CEP128: variants seen among roughly 807,000 people sequenced by gnomAD.
The protein encoded by CEP128 is centrosomal protein 128, also known as centrosomal protein 128kDa.
CEP128 carries 132 observed loss-of-function variants against 156.7 expected under a neutral mutation model. That is an observed-to-expected ratio of 0.84 (90% CI 0.73 to 0.97). The LOEUF (loss-of-function observed/expected upper bound fraction) is 0.97, where lower values mean the gene tolerates loss of function less well. Among genes scored for constraint, CEP128 ranks in the 50% least tolerant of loss-of-function variants. CEP128 has a pLI of 0.00. For missense variants in CEP128, 1,252 were observed against 1,281.9 expected, an observed-to-expected ratio of 0.98 and a Z score of 0.36; for synonymous variants, 469 against 448.9, an observed-to-expected ratio of 1.04 and a Z score of -0.57.
At chr14:80,799,466 C>T (rs994867148) in intron 13 of CEP128, among the ~76,000 whole-genome samples, 1 of 152,082 alleles carries the variant, frequency 6.6e-6, no homozygotes, top group Admixed American at 6.6e-5. Flanking sequence ...AGAGTAACAG[C>T]GATTTTTAGG....
At chr14:80,657,077 G>A (rs1317614803) in intron 19 of CEP128, among the ~76,000 whole-genome samples, 1 of 152,066 alleles carries the variant, frequency 6.6e-6, no homozygotes. Flanking sequence ...GGCCAAGATG[G>A]TGAAACCCCG....
chr14:80,805,045 G>GCCACCTCCCTCTA (rs2139909938), intron 13 of CEP128, among the ~76,000 whole-genome samples: 1 of 151,960 alleles, frequency 6.6e-6, no homozygotes, highest in African/African-American at 2.4e-5. Flanking sequence ...AGCCCCCATT[G>GCCACCTCCCTCTA]CCACCTCCCT....
intron 19 of CEP128, among the ~76,000 whole-genome samples, chr14:80,656,456 G>C (rs1339310259): frequency 6.7e-6 from 1 of 150,184 alleles, no homozygotes; most frequent in Non-Finnish European, 1.5e-5. Flanking sequence ...GCAAGGGCAT[G>C]CCACCAGCAT....
chr14:80,678,644 C>T (rs151077521), intron 19 of CEP128, among the ~76,000 whole-genome samples: 2 of 152,314 alleles, frequency 1.3e-5, no homozygotes, highest in African/African-American at 4.8e-5. Context: ...AGTGCCAATA[C>T]ATGAAGAGCT....
In CEP128 at chr14:80,902,320, A is replaced by G. The variant is rs947426534; in HGVS notation, c.481-2291T>C. 2.0e-5 allele frequency among the ~76,000 whole-genome samples: 3 copies of G among 152,232 alleles called. No individual in the cohort carries two copies. In the East Asian group the frequency reaches 5.8e-4, roughly 29 times the overall value. On this transcript the variant is annotated intron_variant, in intron 6 of 24. Transcript: ENST00000555265. Reference sequence around the variant, plus strand: ...ATAAACAGAAGGAAAGAGTAAATGAATAATGTTAAGATATTGTTCTCTGTT... The same window carrying G: ...ATAAACAGAAGGAAAGAGTAAATGAGTAATGTTAAGATATTGTTCTCTGTT...
chr14:80,477,805 T>G (rs1305858722), exon 15 of CEP128: 1 of 152,250 alleles, frequency 6.6e-6, no homozygotes, highest in Non-Finnish European at 1.5e-5. Context: ...AACCTCACTG[T>G]CGTCCTGAGA....
intron 13 of CEP128, among the ~76,000 whole-genome samples, chr14:80,827,448 T>C (rs889730444): frequency 2.6e-5 from 4 of 152,088 alleles, no homozygotes; most frequent in Admixed American, 2.6e-4. Context: ...TGCATACTAG[T>C]AAGTGGCCCA....
At chr14:80,638,151 A>T (rs1012114938) in intron 19 of CEP128, among the ~76,000 whole-genome samples, 9 of 152,308 alleles carry the variant, frequency 5.9e-5, no homozygotes, top group African/African-American at 2.2e-4. Context: ...CCTTTCTGGA[A>T]TGCCCTTCTT....
At chr14:80,816,214 C>T (rs1426390514) in intron 13 of CEP128, among the ~76,000 whole-genome samples, 3 of 152,188 alleles carry the variant, frequency 2.0e-5, no homozygotes, top group Non-Finnish European at 4.4e-5. Context: ...CCCCTCCCAA[C>T]TCAGTTGTCT....
chr14:80,937,553 GA>G (rs1272093435), intron 2 of CEP128, among the ~76,000 whole-genome samples: 5 of 151,900 alleles, frequency 3.3e-5, no homozygotes, highest in Non-Finnish European at 7.4e-5. Flanking sequence ...AAAAGAATAA[GA>G]AAAAAATATA....
rs183698620 is a variant in CEP128, at chr14:80,511,424, T to A, written c.3073-6404A>T. 2.6e-5 allele frequency among the ~76,000 whole-genome samples: 4 copies of A among 152,168 alleles called. No individual in the cohort carries two copies. The East Asian group carries it at 7.7e-4, about 29-fold the overall frequency. On this transcript the variant is annotated intron_variant, in intron 23 of 24. Coordinates refer to ENST00000555265, the MANE Select transcript of CEP128 (RefSeq NM_152446.5). ...TACTCATTGAAGTCTCTGATGATCCTCTCTGCAGTATCAGGTGGAAATTAG... is the reference window on the plus strand; with the variant it reads ...TACTCATTGAAGTCTCTGATGATCCACTCTGCAGTATCAGGTGGAAATTAG...
chr14:80,517,338 C>T (rs543853405), intron 23 of CEP128, among the ~76,000 whole-genome samples: 1 of 151,908 alleles, frequency 6.6e-6, no homozygotes, highest in South Asian at 2.1e-4. Flanking sequence ...AACATTTTTT[C>T]TTTTGTAATA....
intron 23 of CEP128, among the ~76,000 whole-genome samples, chr14:80,512,050 C>G (rs528762323): frequency 6.6e-6 from 1 of 152,048 alleles, no homozygotes; most frequent in Admixed American, 6.5e-5. Context: ...CTTCTGCAAC[C>G]ACTGGATGAA....
At chr14:80,953,583 TCAAA>T (rs1199177911) in intron 2 of CEP128, among the ~76,000 whole-genome samples, 3 of 152,202 alleles carry the variant, frequency 2.0e-5, no homozygotes, top group East Asian at 3.9e-4. Context: ...AGACTCCGTC[TCAAA>T]CAAACAAACA....
chr14:80,705,109 A>AT (rs1392933067), intron 19 of CEP128, among the ~76,000 whole-genome samples: 1 of 152,046 alleles, frequency 6.6e-6, no homozygotes, highest in Non-Finnish European at 1.5e-5. Context: ...AAAAAAAAAA[A>AT]TCCTTAACAG....
At chr14:80,684,511 G>C (rs560459597) in intron 19 of CEP128, among the ~76,000 whole-genome samples, 42 of 152,112 alleles carry the variant, frequency 2.8e-4, no homozygotes, top group African/African-American at 8.9e-4. Context: ...AATTCTACCA[G>C]ATGTACAAGG....
At chr14:80,479,561 GATTGAATT>G (rs1423164027) in intron 14 of CEP128, among the ~76,000 whole-genome samples, 1 of 152,162 alleles carries the variant, frequency 6.6e-6, no homozygotes, top group African/African-American at 2.4e-5. Flanking sequence ...AGGCCCCCAT[GATTGAATT>G]ACCTTCCACT....
chr14:80,855,701 G>C (rs146950906), intron 9 of CEP128, among the ~76,000 whole-genome samples: 1 of 152,088 alleles, frequency 6.6e-6, no homozygotes, highest in African/African-American at 2.4e-5. Context: ...AGGCCTCCAC[G>C]ACTCCAAACA....
chr14:80,785,312 C>G lies in CEP128; in HGVS notation c.1794G>C (p.Gln598His). Residue 598 changes from glutamine (Q) to histidine (H), a missense_variant, in exon 15 of 25, where the codon CAG becomes CAC. Gln to His is a conservative substitution (Grantham distance 24). Coordinates refer to ENST00000555265, the MANE Select transcript of CEP128 (RefSeq NM_152446.5). ...IHRLESELKK[Q>H]SKIQSQMKVE... ...CTTTCATCTGGCTTTGGATCTTACT[C>G]TGCTTTTTCAATTCGCTCTCCAGTC... is the stretch of plus-strand genomic sequence containing the variant. 6.2e-7 allele frequency: 1 copy of G among 1,614,164 alleles called. No individual in the cohort carries two copies. Among genetic ancestry groups the G allele is most frequent in the South Asian group, 1.1e-5 (1 of 91,074 alleles).
Sources: allele counts gnomAD v4.1 joint callset (sites outside exome capture counted in the v4.1 genomes callset), GRCh38; gene constraint gnomAD v4.1.1; transcripts MANE v1.5; gene names NCBI Gene and HGNC (gene_info 2026-07-23, HGNC 2026-07-21).